The following MKLN1 variants were observed in gnomAD, a reference collection of about 807,000 sequenced individuals.
MKLN1 encodes muskelin.
Under a neutral mutation model 99.0 loss-of-function variants are expected in MKLN1, and 18 were observed. That is an observed-to-expected ratio of 0.18 (90% CI 0.13 to 0.27). MKLN1 has a LOEUF of 0.27. MKLN1 is among the 10% of genes least tolerant of loss of function. The pLI is 1.00. For synonymous variants in MKLN1, 288 were observed against 293.2 expected (o/e 0.98, Z 0.18); for missense variants, 621 against 875.9 (o/e 0.71, Z 3.67).
At chr7:131,451,190 C>G (rs1796166673) in intron 12 of MKLN1, among the ~76,000 whole-genome samples, 2 of 152,060 alleles carry the variant, frequency 1.3e-5, no homozygotes, top group South Asian at 4.1e-4. Context: ...TTAGAAAACA[C>G]CAATTTTATC....
chr7:131,380,890 TTA>T (rs1166043066), intron 2 of MKLN1, among the ~76,000 whole-genome samples: 2 of 152,186 alleles, frequency 1.3e-5, no homozygotes, highest in East Asian at 3.8e-4. Context: ...TTCACAGTAG[TTA>T]TGTCCTATAA....
At chr7:131,434,856 C>G (rs543797864) in intron 9 of MKLN1, among the ~76,000 whole-genome samples, 3 of 152,244 alleles carry the variant, frequency 2.0e-5, no homozygotes, top group Admixed American at 2.0e-4. Context: ...CCAGGCCCAG[C>G]CTTTATTTTA....
intron 3 of MKLN1, chr7:131,242,819 C>A (rs1797425711): frequency 1.5e-6 from 1 of 663,358 alleles, no homozygotes; most frequent in Admixed American, 1.9e-5. Flanking sequence ...AAGTTTATAA[C>A]CACAATCAGC....
At chr7:131,194,933 A>G (rs899900779) in intron 2 of MKLN1, among the ~76,000 whole-genome samples, 3 of 152,206 alleles carry the variant, frequency 2.0e-5, no homozygotes, top group African/African-American at 7.2e-5. Context: ...TTTCAAAGCT[A>G]AAGTTAACTT....
At chr7:131,448,151 C>T (rs146341488) in intron 12 of MKLN1, among the ~76,000 whole-genome samples, 7,349 of 152,194 alleles carry the variant, frequency 0.048, 253 homozygotes, top group East Asian at 0.19. Flanking sequence ...TGGCGTGAAC[C>T]CGGGAGGTGG....
intron 16 of MKLN1, among the ~76,000 whole-genome samples, chr7:131,476,852 A>G (rs190381468): frequency 3.3e-4 from 51 of 152,370 alleles, no homozygotes; most frequent in Middle Eastern, 3.4e-3. Flanking sequence ...TAAAGCCACA[A>G]TAATCAAGAC....
At chr7:131,371,448 C>T (rs1039772718) in intron 1 of MKLN1, among the ~76,000 whole-genome samples, 15 of 152,060 alleles carry the variant, frequency 9.9e-5, no homozygotes, top group Admixed American at 7.9e-4. Context: ...CTTAATGTTG[C>T]GGATTTAAAT....
intron 1 of MKLN1, among the ~76,000 whole-genome samples, chr7:131,129,379 A>C (rs1795514748): frequency 6.6e-6 from 1 of 152,214 alleles, no homozygotes; most frequent in Non-Finnish European, 1.5e-5. Context: ...ATCCTAAGAA[A>C]ATAACTACAG....
intron 1 of MKLN1, among the ~76,000 whole-genome samples, chr7:131,331,827 T>A (rs997836586): frequency 6.6e-6 from 1 of 152,218 alleles, no homozygotes. Flanking sequence ...TATACTCATA[T>A]GAGAACTGGG....
intron 1 of MKLN1, among the ~76,000 whole-genome samples, chr7:131,140,774 C>CTTTTTTT (rs35228515): frequency 1.4e-5 from 2 of 146,896 alleles, no homozygotes; most frequent in African/African-American, 2.5e-5. Flanking sequence ...ACACACCATC[C>CTTTTTTT]TTTTTTTTTT....
chr7:131,490,735 T>A lies in MKLN1; in HGVS notation c.*3007T>A, dbSNP rs1643270. 6.6e-6 allele frequency: 1 copy of A among 152,378 alleles called. No homozygotes were observed. The highest frequency in any genetic ancestry group is 2.4e-5 in the African/African-American group (1 of 41,358). The allele number at this position is 152,378 out of a possible 1,614,324, so 9.4% of individuals were successfully genotyped here. On this transcript the variant is annotated 3_prime_UTR_variant, in exon 18 of 18. Transcript: ENST00000352689. The stretch of plus-strand genomic sequence containing the variant: ...GTTTGATGGGTTTAGAGCTCAGTGA[T>A]TTAAGCTTGTAAAACTGCATTCTTG...
chr7:131,387,620 C>CT (rs1794071949), intron 3 of MKLN1, among the ~76,000 whole-genome samples: 1 of 151,926 alleles, frequency 6.6e-6, no homozygotes, highest in South Asian at 2.1e-4. Flanking sequence ...ATCCAAAACA[C>CT]TAAGATTAAT....
intron 1 of MKLN1, among the ~76,000 whole-genome samples, chr7:131,333,913 A>G (rs913487837): frequency 6.6e-6 from 1 of 152,130 alleles, no homozygotes; most frequent in African/African-American, 2.4e-5. Context: ...TTTTCCTTCT[A>G]TCTGTGTAGA....
intron 5 of MKLN1, among the ~76,000 whole-genome samples, chr7:131,398,908 C>T (rs1306952950): frequency 6.6e-6 from 1 of 152,024 alleles, no homozygotes; most frequent in Non-Finnish European, 1.5e-5. Flanking sequence ...TTAATAGATG[C>T]TATGGAGTTA....
intron 3 of MKLN1, among the ~76,000 whole-genome samples, chr7:131,211,604 T>G (rs73149868): frequency 0.29 from 25,131 of 86,508 alleles, 2,440 homozygotes; most frequent in Admixed American, 0.41. Context: ...ACCCTTGTGT[T>G]TTTTTTTTTT....
At chr7:131,192,838 C>A (rs1796588559) in intron 2 of MKLN1, among the ~76,000 whole-genome samples, 1 of 152,060 alleles carries the variant, frequency 6.6e-6, no homozygotes, top group Non-Finnish European at 1.5e-5. Flanking sequence ...CTGTGCCCGG[C>A]CTGCTGTGTA....
chr7:131,398,617 G>A (rs988189340), intron 5 of MKLN1, among the ~76,000 whole-genome samples: 1 of 152,056 alleles, frequency 6.6e-6, no homozygotes, highest in Non-Finnish European at 1.5e-5. Context: ...CTTGAACCTG[G>A]GAGGCGGAGG....
At chr7:131,179,223 A>C (rs1438901463) in intron 2 of MKLN1, among the ~76,000 whole-genome samples, 1 of 152,174 alleles carries the variant, frequency 6.6e-6, no homozygotes, top group African/African-American at 2.4e-5. Flanking sequence ...TATATTCCTC[A>C]CTTCCTTCAA....
intron 1 of MKLN1, among the ~76,000 whole-genome samples, chr7:131,358,743 G>A (rs967750348): frequency 4.6e-5 from 7 of 151,998 alleles, no homozygotes; most frequent in African/African-American, 1.2e-4. Flanking sequence ...TCGCTTTCTC[G>A]ACTTTTGGTA....
Sources: allele counts gnomAD v4.1 joint callset (sites outside exome capture counted in the v4.1 genomes callset), GRCh38; gene constraint gnomAD v4.1.1; transcripts MANE v1.5; gene names NCBI Gene and HGNC (gene_info 2026-07-23, HGNC 2026-07-21).